EVC: variants seen among roughly 807,000 people sequenced by gnomAD.
EVC encodes EvC ciliary complex subunit 1.
EVC carries 116 observed loss-of-function variants against 118.9 expected under a neutral mutation model. The observed-to-expected ratio is 0.98, with a 90% confidence interval of 0.84 to 1.14. EVC has a LOEUF of 1.14. Ranked by LOEUF, EVC falls within the 50% of genes most tolerant of loss-of-function variation. The probability of loss-of-function intolerance (pLI) is 0.00; values close to 1 mark genes in which losing one functional copy is unlikely to be tolerated. For synonymous variants in EVC, 619 were observed against 534.7 expected (o/e 1.16, Z -2.18); for missense variants, 1,401 against 1,246.4 (o/e 1.12, Z -1.87).
chr4:5,758,237 G>C, intron 11 of EVC: 1 of 651,978 alleles, frequency 1.5e-6, no homozygotes, highest in Non-Finnish European at 2.7e-6. Flanking sequence ...GAGGGGGCGA[G>C]GCTCTGCCAA....
chr4:5,793,793 T>C, intron 13 of EVC, 76 bp downstream of exon 13: 1 of 1,159,036 alleles, frequency 8.6e-7, no homozygotes, highest in Non-Finnish European at 1.3e-6. Context: ...TCCTCATCTG[T>C]ACAGTGGGCA....
intron 11 of EVC, among the ~76,000 whole-genome samples, chr4:5,769,168 C>G (rs1043333681): frequency 1.3e-5 from 2 of 150,426 alleles, no homozygotes; most frequent in African/African-American, 2.5e-5. Flanking sequence ...CTGGGGAGGC[C>G]TCACAGTTAT....
chr4:5,773,703 G>T (rs1734320314), intron 11 of EVC, among the ~76,000 whole-genome samples: 1 of 152,004 alleles, frequency 6.6e-6, no homozygotes, highest in Non-Finnish European at 1.5e-5. Context: ...TAAGGGAGTT[G>T]GCCCATGGTC....
intron 17 of EVC, among the ~76,000 whole-genome samples, chr4:5,807,828 A>T (rs924813078): frequency 6.6e-6 from 1 of 152,308 alleles, no homozygotes; most frequent in Middle Eastern, 3.4e-3. Flanking sequence ...TTTTCTCATG[A>T]GAAGATGCCA....
intron 11 of EVC, among the ~76,000 whole-genome samples, chr4:5,770,701 A>G (rs1733807901): frequency 6.6e-6 from 1 of 152,198 alleles, no homozygotes; most frequent in African/African-American, 2.4e-5. Flanking sequence ...TACACAAATC[A>G]GTCAATCAGT....
rs777059868 is a variant in EVC, at chr4:5,809,610, A to G, written c.2781A>G (p.Leu927=). Residue 927 remains leucine, a splice_region_variant and synonymous_variant, in exon 19 of 21, where the codon CTA becomes CTG. Coordinates refer to ENST00000264956, the MANE Select transcript of EVC (RefSeq NM_153717.3). The part of the protein sequence containing the change: ...SKLLPAKRGL[L]EKPLRTKRKK... ...TGTTGCCTGCTAAGCGTGGGCTGCTAGGTGAGTCACAGATGCTTGAGTTGC... is the reference window on the plus strand; with the variant it reads ...TGTTGCCTGCTAAGCGTGGGCTGCTGGGTGAGTCACAGATGCTTGAGTTGC... 1 of 1,614,038 alleles carries G rather than the reference A, an allele frequency of 6.2e-7. No individual in the cohort carries two copies. Among genetic ancestry groups the G allele is most frequent in the Non-Finnish European group, 8.5e-7 (1 of 1,179,946 alleles).
At position 5,738,160 on chromosome 4, in the gene EVC, G is replaced by C. The variant is rs773823000; in HGVS notation, c.703-3556G>C. On this transcript the variant is annotated intron_variant, in intron 5 of 20. Coordinates refer to ENST00000264956, the MANE Select transcript of EVC (RefSeq NM_153717.3). This position sits in a 1 kb window ranked among gnomAD's most constrained non-coding sequence, Gnocchi z 6.5. The stretch of plus-strand genomic sequence containing the variant: ...AAATGTGGAAATAGCAAGAAAACTA[G>C]GATTAGAATTGGAGCCTGAAGATGG... 1.1e-4 allele frequency among the ~76,000 whole-genome samples: 16 copies of C among 152,184 alleles called. No homozygotes were observed. The highest frequency in any genetic ancestry group is 8.8e-5 in the Non-Finnish European group (6 of 68,032).
At chr4:5,753,416 C>T (rs890415184) in intron 9 of EVC, among the ~76,000 whole-genome samples, 1 of 152,190 alleles carries the variant, frequency 6.6e-6, no homozygotes, top group Non-Finnish European at 1.5e-5. Flanking sequence ...TGTCGCCCAG[C>T]GGCAGCTCAT....
the EVC span, chr4:5,825,676 A>G: frequency 1.2e-6 from 2 of 1,611,568 alleles, no homozygotes; most frequent in Non-Finnish European, 1.7e-6. The surrounding 1 kb of genome is among the most constrained non-coding windows in gnomAD (Gnocchi z 4.4). Flanking sequence ...AGAGGAAGGG[A>G]GAGTGTGATT....
intron 11 of EVC, among the ~76,000 whole-genome samples, chr4:5,768,629 AG>A (rs916227820): frequency 7.9e-5 from 12 of 151,840 alleles, no homozygotes; most frequent in Admixed American, 6.6e-4. Flanking sequence ...GGCTGAGGCA[AG>A]CGGATCACTT....
chr4:5,751,689 C>T (rs575065171), intron 8 of EVC, among the ~76,000 whole-genome samples: 72 of 152,172 alleles, frequency 4.7e-4, no homozygotes, highest in Admixed American at 1.8e-3. Flanking sequence ...GACTGCCCCT[C>T]ACAATCACCT....
At chr4:5,772,523 G>T (rs985367157) in intron 11 of EVC, among the ~76,000 whole-genome samples, 1 of 152,028 alleles carries the variant, frequency 6.6e-6, no homozygotes, top group African/African-American at 2.4e-5. Context: ...AATGCCTCCT[G>T]TTGTTCTCAA....
chr4:5,767,286 A>T (rs1733054721), intron 11 of EVC, among the ~76,000 whole-genome samples: 2 of 150,220 alleles, frequency 1.3e-5, no homozygotes, highest in South Asian at 4.3e-4. Flanking sequence ...TGCTGGGAGA[A>T]CCACTGCTCT....
chr4:5,770,053 C>T (rs1251171807), intron 11 of EVC, among the ~76,000 whole-genome samples: 1 of 152,080 alleles, frequency 6.6e-6, no homozygotes, highest in Non-Finnish European at 1.5e-5. Context: ...AAGGGAGAGG[C>T]ATAGGGCTCG....
chr4:5,761,563 CG>C (rs1227321165), intron 11 of EVC, among the ~76,000 whole-genome samples: 1 of 151,774 alleles, frequency 6.6e-6, no homozygotes, highest in East Asian at 1.9e-4. Context: ...GAAAGACTTT[CG>C]TTAGTGCCTA....
At chr4:5,828,507 G>T in the EVC span, 258 of 1,614,112 alleles carry the variant, frequency 1.6e-4, 1 homozygote, top group Middle Eastern at 1.2e-3. Flanking sequence ...TGATTTTGAC[G>T]CGCTGGTACA....
chr4:5,768,033 A>G (rs1026297680), intron 11 of EVC, among the ~76,000 whole-genome samples: 2 of 152,060 alleles, frequency 1.3e-5, no homozygotes, highest in Non-Finnish European at 2.9e-5. Context: ...TCATTCAAGT[A>G]TTGTTAAGCA....
chr4:5,804,532 G>T (rs1272321204), intron 16 of EVC, among the ~76,000 whole-genome samples, 198 bp from the exon 17 acceptor site: 1 of 152,178 alleles, frequency 6.6e-6, no homozygotes, highest in African/African-American at 2.4e-5. Context: ...GCGCATCATA[G>T]TTTCGCTCTG....
intron 11 of EVC, among the ~76,000 whole-genome samples, chr4:5,767,262 G>C (rs970587243): frequency 7.3e-5 from 11 of 151,300 alleles, no homozygotes; most frequent in Non-Finnish European, 1.3e-4. Context: ...CCTGTTCTCA[G>C]ATCTCCAGCT....
Sources: gnomAD v4.1 joint callset for allele counts (sites outside exome capture counted in the v4.1 genomes callset) on GRCh38, gnomAD v4.1.1 for gene constraint, Gnocchi (gnomAD v3.1) non-coding constraint, MANE v1.5 for transcripts, NCBI Gene and HGNC (gene_info 2026-07-23, HGNC 2026-07-21) for gene names.